MAP2K6: variants seen among roughly 807,000 people sequenced by gnomAD.
The protein encoded by MAP2K6 is dual specificity mitogen-activated protein kinase kinase 6.
In MAP2K6, 16 loss-of-function variants were observed where a neutral mutation model predicts 53.7. That is an observed-to-expected ratio of 0.30 (90% CI 0.20 to 0.45). MAP2K6 has a LOEUF of 0.45. Ranked by LOEUF, MAP2K6 falls within the 20% of genes least tolerant of loss-of-function variation. The pLI is 1.00. For missense variants in MAP2K6, 204 were observed against 411.9 expected (o/e 0.50, Z 4.37); for synonymous variants, 132 against 143.1 (o/e 0.92, Z 0.55).
intron 1 of MAP2K6, among the ~76,000 whole-genome samples, chr17:69,432,608 A>G (rs1906498489): frequency 2.0e-5 from 3 of 150,486 alleles, no homozygotes; most frequent in African/African-American, 7.3e-5. Flanking sequence ...AACAATGAGA[A>G]CGCATGGACA....
intron 1 of MAP2K6, among the ~76,000 whole-genome samples, chr17:69,466,467 C>T (rs2145176479): frequency 6.6e-6 from 1 of 152,212 alleles, no homozygotes; most frequent in Non-Finnish European, 1.5e-5. Flanking sequence ...CTCCGTTTTC[C>T]CAGAAAGTGT....
At chr17:69,462,561 C>T (rs773806647) in intron 1 of MAP2K6, among the ~76,000 whole-genome samples, 10 of 152,166 alleles carry the variant, frequency 6.6e-5, no homozygotes, top group African/African-American at 1.9e-4. Context: ...CTCAGAACTA[C>T]GGTTTCTTTT....
intron 1 of MAP2K6, among the ~76,000 whole-genome samples, chr17:69,462,982 G>A (rs1260431804): frequency 2.0e-5 from 3 of 148,294 alleles, no homozygotes; most frequent in South Asian, 4.4e-4. Context: ...CCTTTCATGG[G>A]CAGCACGCAG....
chr17:69,536,834 A>C (rs1388445446), intron 11 of MAP2K6, among the ~76,000 whole-genome samples: 1 of 151,218 alleles, frequency 6.6e-6, no homozygotes, highest in Admixed American at 6.6e-5. Context: ...TAATCCCAGC[A>C]CTCTGGTAGG....
intron 1 of MAP2K6, among the ~76,000 whole-genome samples, chr17:69,471,420 G>A (rs1236971938): frequency 6.6e-6 from 1 of 152,142 alleles, no homozygotes; most frequent in Non-Finnish European, 1.5e-5. Context: ...GTAACTCAGG[G>A]ACAGAAAACA....
At chr17:69,430,005 A>T (rs771475657) in intron 1 of MAP2K6, among the ~76,000 whole-genome samples, 3 of 152,136 alleles carry the variant, frequency 2.0e-5, no homozygotes, top group Non-Finnish European at 4.4e-5. Flanking sequence ...CAAGAATTAG[A>T]TGAGTCAATG....
chr17:69,429,160 G>C (rs568494226), intron 1 of MAP2K6, among the ~76,000 whole-genome samples: 1 of 152,158 alleles, frequency 6.6e-6, no homozygotes, highest in Non-Finnish European at 1.5e-5. Flanking sequence ...AGAGTGGGCT[G>C]GGCTGGTGGC....
At chr17:69,476,323 C>T (rs1047689755) in intron 1 of MAP2K6, among the ~76,000 whole-genome samples, 1 of 152,104 alleles carries the variant, frequency 6.6e-6, no homozygotes. Context: ...AAAAACAAAA[C>T]CAAAAAACCA....
intron 1 of MAP2K6, among the ~76,000 whole-genome samples, chr17:69,436,005 G>A (rs1906628640): frequency 7.7e-6 from 1 of 130,512 alleles, no homozygotes; most frequent in Non-Finnish European, 1.6e-5. Flanking sequence ...CAATCATTTG[G>A]AATCGATTTA....
rs559509693 is a variant in MAP2K6, at chr17:69,518,006, T to C, written c.246+393T>C. 2.5e-4 allele frequency among the ~76,000 whole-genome samples: 38 copies of C among 152,124 alleles called. No individual in the cohort carries two copies. In the East Asian group the frequency reaches 6.2e-3, roughly 25 times the overall value. On this transcript the variant is annotated intron_variant, in intron 4 of 11. Transcript: ENST00000590474. The stretch of plus-strand genomic sequence containing the variant: ...GAGTTCGAGACCAGCCTGGCCAACA[T>C]AGTGAAACCTCGTCTCTACTAAAAA...
intron 1 of MAP2K6, among the ~76,000 whole-genome samples, chr17:69,444,025 A>G (rs1276411664): frequency 1.3e-5 from 2 of 152,202 alleles, no homozygotes; most frequent in African/African-American, 4.8e-5. Flanking sequence ...GACCAAAACT[A>G]GATTTTTAAA....
intron 1 of MAP2K6, among the ~76,000 whole-genome samples, chr17:69,492,277 GT>G (rs1210247031): frequency 6.6e-6 from 1 of 152,160 alleles, no homozygotes; most frequent in Non-Finnish European, 1.5e-5. Context: ...GGTTTTTATA[GT>G]TTTGGGTTTT....
At position 69,516,982 on chromosome 17, in the gene MAP2K6, C is replaced by G. The variant is rs907721882; in HGVS notation, c.132+79C>G. On this transcript the variant is annotated intron_variant, in intron 3 of 11. Transcript: ENST00000590474. ...TTTCTGACTGAAAAATTTATTTTCC[C>G]TAGCATGCTGTCAGGGGATGAGTCA... 6.0e-6 allele frequency: 7 copies of G among 1,162,714 alleles called. No homozygotes were observed. The African/African-American group carries it at 9.2e-5, about 15-fold the overall frequency. 72.0% of individuals were successfully genotyped at this position (1,162,714 alleles called of 1,614,324 possible).
At chr17:69,475,625 G>A (rs1414706407) in intron 1 of MAP2K6, among the ~76,000 whole-genome samples, 1 of 152,178 alleles carries the variant, frequency 6.6e-6, no homozygotes, top group Non-Finnish European at 1.5e-5. Context: ...TTCCACTCTG[G>A]ATTGTAGGTT....
rs1911788680 is a variant in MAP2K6, at chr17:69,544,274, G to A, written c.*2521G>A. 6.6e-6 allele frequency: 1 copy of A among 152,162 alleles called. No individual in the cohort carries two copies. Among genetic ancestry groups the A allele is most frequent in the Admixed American group, 6.5e-5 (1 of 15,286 alleles). The allele number at this position is 152,162 out of a possible 1,614,324, so 9.4% of individuals were successfully genotyped here. On this transcript the variant is annotated 3_prime_UTR_variant, in exon 12 of 12. Transcript: ENST00000590474. ...GGAAGTGTAGAACACCTTTTCCCCA[G>A]AGAAGCAATATTTTGCACTGTTATT...
intron 10 of MAP2K6, among the ~76,000 whole-genome samples, chr17:69,532,371 C>T (rs137993604): frequency 6.6e-5 from 10 of 152,308 alleles, no homozygotes; most frequent in African/African-American, 2.2e-4. Context: ...TACAAGCTAG[C>T]AATTCTCAAG....
chr17:69,527,775 A>G (rs1910850994), intron 10 of MAP2K6, among the ~76,000 whole-genome samples: 1 of 152,130 alleles, frequency 6.6e-6, no homozygotes. Context: ...GTACTGAGGA[A>G]GCTGAAGGAA....
chr17:69,495,231 T>A (rs1567839301), intron 1 of MAP2K6, among the ~76,000 whole-genome samples: 1 of 151,574 alleles, frequency 6.6e-6, no homozygotes, highest in Admixed American at 6.6e-5. Context: ...TTCGTTTTAT[T>A]TTTTCTTTTA....
intron 1 of MAP2K6, among the ~76,000 whole-genome samples, chr17:69,436,243 C>T (rs1012166671): frequency 6.6e-6 from 1 of 152,138 alleles, no homozygotes; most frequent in Non-Finnish European, 1.5e-5. Flanking sequence ...CTTTGATTTA[C>T]TTGATCCAAA....
Sources: gnomAD v4.1 joint callset for allele counts (sites outside exome capture counted in the v4.1 genomes callset) on GRCh38, gnomAD v4.1.1 for gene constraint, MANE v1.5 for transcripts, NCBI Gene and HGNC (gene_info 2026-07-23, HGNC 2026-07-21) for gene names.